Variants in ASAP1 observed in about 807,000 individuals in gnomAD.
ASAP1 encodes the protein ArfGAP with SH3 domain, ankyrin repeat and PH domain 1.
ASAP1 carries 43 observed loss-of-function variants against 145.2 expected under a neutral mutation model. The observed-to-expected ratio is 0.30, with a 90% CI of 0.23 to 0.38. ASAP1 has a LOEUF of 0.38. ASAP1 is among the 10% of genes least tolerant of loss of function. The probability of loss-of-function intolerance (pLI) is 1.00; values close to 1 mark genes in which losing one functional copy is unlikely to be tolerated. For missense variants in ASAP1, 1,018 were observed against 1,355.3 expected, an observed-to-expected ratio of 0.75 and a Z score of 3.91; for synonymous variants, 546 against 515.5, an observed-to-expected ratio of 1.06 and a Z score of -0.80.
intron 14 of ASAP1, among the ~76,000 whole-genome samples, chr8:130,135,625 GGAGTCT>G (rs1423449364): frequency 6.6e-6 from 1 of 152,204 alleles, no homozygotes; most frequent in Non-Finnish European, 1.5e-5. Context: ...TGAACCTCTT[GGAGTCT>G]GAGTTTTTTC....
At chr8:130,254,022 CA>C (rs1033692439) in intron 3 of ASAP1, among the ~76,000 whole-genome samples, 2 of 151,336 alleles carry the variant, frequency 1.3e-5, no homozygotes, top group South Asian at 4.2e-4. Context: ...ACTTCATCTC[CA>C]AAAAAAACCT....
chr8:130,358,687 GC>G lies in ASAP1; in HGVS notation c.60-545del, dbSNP rs1296018470. Among the ~76,000 whole-genome samples the G allele has an allele frequency of 2.6e-4, 36 of 140,900 alleles. No homozygotes were observed. The highest frequency in any genetic ancestry group is 2.8e-4 in the African/African-American group (11 of 39,222). 92.4% of individuals were successfully genotyped at this position (140,900 alleles called of 152,430 possible). On this transcript the variant is annotated intron_variant, in intron 2 of 29. Transcript: ENST00000518721. The surrounding 1 kb of genome is among the most constrained non-coding windows in gnomAD (Gnocchi z 4.1). Reference sequence around the variant, plus strand: ...AGGAAGTGCTCTGCGCACGCGCGCCGCCCCCAGCCCCGCCCCCCCGGTCCCT... The same window carrying G: ...AGGAAGTGCTCTGCGCACGCGCGCCGCCCCAGCCCCGCCCCCCCGGTCCCT...
chr8:130,100,622 C>T (rs957452743), intron 24 of ASAP1, among the ~76,000 whole-genome samples: 3 of 152,188 alleles, frequency 2.0e-5, no homozygotes, highest in African/African-American at 7.2e-5. Context: ...AACCACCACA[C>T]CCGGCCTCTA....
At chr8:130,335,393 G>A (rs1824970401) in intron 3 of ASAP1, among the ~76,000 whole-genome samples, 1 of 152,140 alleles carries the variant, frequency 6.6e-6, no homozygotes, top group Non-Finnish European at 1.5e-5. Flanking sequence ...CCCACAGAGA[G>A]GTGTAGTAAA....
intron 4 of ASAP1, among the ~76,000 whole-genome samples, chr8:130,220,607 T>A (rs1817233726): frequency 1.3e-5 from 2 of 152,050 alleles, no homozygotes; most frequent in Admixed American, 1.3e-4. Context: ...GAGGCTGAGG[T>A]GGGCAGATGG....
intron 3 of ASAP1, among the ~76,000 whole-genome samples, chr8:130,320,192 A>G (rs1823912337): frequency 3.3e-5 from 5 of 152,250 alleles, no homozygotes; most frequent in Admixed American, 3.3e-4. Flanking sequence ...TATCATGCCT[A>G]TCAAATTCAC....
Position 130,054,034 on chromosome 8 carries a change from G to A in ASAP1, c.*697C>T, listed in dbSNP as rs1483927323. ...TTGTCAAAATAGTCATGAAAGATAT[G>A]TTATTTTTGCATAATGAGGTAATAT... On this transcript the variant is annotated 3_prime_UTR_variant, in exon 30 of 30. Coordinates refer to ENST00000518721, the MANE Select transcript of ASAP1 (RefSeq NM_018482.4). 1 of 152,594 alleles carries A rather than the reference G, an allele frequency of 6.6e-6. No homozygotes were observed. The highest frequency in any genetic ancestry group is 2.1e-4 in the South Asian group (1 of 4,830). 9.5% of individuals were successfully genotyped at this position (152,594 alleles called of 1,614,324 possible). A position where few individuals can be genotyped will look rare whatever the true frequency, so the allele number is the denominator to read the frequency against.
chr8:130,130,473 G>C (rs930504270), intron 15 of ASAP1, among the ~76,000 whole-genome samples: 1 of 152,168 alleles, frequency 6.6e-6, no homozygotes, highest in Admixed American at 6.5e-5. Context: ...TTCAAATTTG[G>C]TGGAATGAAA....
intron 27 of ASAP1, among the ~76,000 whole-genome samples, chr8:130,073,588 G>A (rs1412305844): frequency 2.0e-5 from 3 of 152,160 alleles, no homozygotes; most frequent in Admixed American, 6.6e-5. Flanking sequence ...ACAGTGCAGC[G>A]AGAGTGGACA....
chr8:130,388,336 C>G (rs1314024549), intron 2 of ASAP1, among the ~76,000 whole-genome samples: 3 of 152,122 alleles, frequency 2.0e-5, no homozygotes, highest in Non-Finnish European at 4.4e-5. Flanking sequence ...GTAAAATGGG[C>G]AGGGGTCTTG....
chr8:130,099,784 C>G (rs1325610105), intron 24 of ASAP1, among the ~76,000 whole-genome samples: 2 of 151,160 alleles, frequency 1.3e-5, no homozygotes, highest in African/African-American at 4.9e-5. Flanking sequence ...GGTGATCCAC[C>G]CGCCTCGGCC....
chr8:130,097,161 A>G (rs1176256124), intron 24 of ASAP1, among the ~76,000 whole-genome samples: 1 of 127,834 alleles, frequency 7.8e-6, no homozygotes. Flanking sequence ...AAAAAAAAAA[A>G]GTCCTTGAAA....
intron 13 of ASAP1, among the ~76,000 whole-genome samples, chr8:130,145,236 G>A (rs2097625485): frequency 6.6e-6 from 1 of 152,108 alleles, no homozygotes; most frequent in Non-Finnish European, 1.5e-5. Context: ...TCCAACAAGG[G>A]TACATAAAAC....
intron 3 of ASAP1, among the ~76,000 whole-genome samples, chr8:130,336,665 A>C (rs1485497251): frequency 6.6e-6 from 1 of 152,230 alleles, no homozygotes; most frequent in Non-Finnish European, 1.5e-5. Context: ...ATACTCTTAC[A>C]ATCTGAGAGG....
intron 3 of ASAP1, among the ~76,000 whole-genome samples, chr8:130,305,626 G>A (rs915474618): frequency 5.9e-5 from 9 of 152,074 alleles, no homozygotes; most frequent in African/African-American, 2.2e-4. Flanking sequence ...CTCCTCCCTC[G>A]GCCTCCCAAA....
Position 130,159,890 on chromosome 8 carries a change from C to T in ASAP1, c.984G>A (p.Lys328=). Residue 328 remains lysine, a synonymous_variant, in exon 12 of 30, where the codon AAG becomes AAA. Coordinates refer to ENST00000518721, the MANE Select transcript of ASAP1 (RefSeq NM_018482.4). ...CGTCACTTTTCTTTAGCAGGTACCC[C>T]TTCTTTTCACTGCCATATTCCTTAT... ...QGNKEYGSEK[K]GYLLKKSDGI... The T allele has an allele frequency of 6.2e-7, 1 of 1,614,092 alleles. No homozygotes were observed. The highest frequency in any genetic ancestry group is 2.2e-5 in the East Asian group (1 of 44,890).
At chr8:130,228,218 T>C (rs914991788) in intron 4 of ASAP1, among the ~76,000 whole-genome samples, 3 of 152,148 alleles carry the variant, frequency 2.0e-5, no homozygotes, top group Non-Finnish European at 4.4e-5. Flanking sequence ...CCCAGCTCTC[T>C]ACCTAGGAGC....
chr8:130,401,493 C>A (rs1418323218), intron 2 of ASAP1, among the ~76,000 whole-genome samples: 1 of 152,150 alleles, frequency 6.6e-6, no homozygotes, highest in East Asian at 1.9e-4. Flanking sequence ...GATCCACCCA[C>A]CTCAGCCTCC....
At chr8:130,336,107 G>A (rs976538227) in intron 3 of ASAP1, among the ~76,000 whole-genome samples, 27 of 152,132 alleles carry the variant, frequency 1.8e-4, no homozygotes, top group African/African-American at 6.3e-4. Flanking sequence ...TTAAGATAAT[G>A]CAAAACAAAG....
Sources: gnomAD v4.1 joint callset for allele counts (sites outside exome capture counted in the v4.1 genomes callset) on GRCh38, gnomAD v4.1.1 for gene constraint, Gnocchi (gnomAD v3.1) non-coding constraint, MANE v1.5 for transcripts, NCBI Gene and HGNC (gene_info 2026-07-23, HGNC 2026-07-21) for gene names.